SLC25A12: variants seen among roughly 807,000 people sequenced by gnomAD.
SLC25A12 encodes solute carrier family 25 member 12.
Under a neutral mutation model 83.3 loss-of-function variants are expected in SLC25A12, and 32 were observed. The ratio of observed to expected loss-of-function variants is 0.38; its 90% CI spans 0.29 to 0.52. The LOEUF is 0.52. Among genes scored for constraint, SLC25A12 ranks in the 20% least tolerant of loss-of-function variants. The pLI, the probability that SLC25A12 is intolerant of heterozygous loss-of-function variation, is 0.84. For missense variants in SLC25A12, 611 were observed against 835.6 expected (o/e 0.73, Z 3.31); for synonymous variants, 267 against 291.1 (o/e 0.92, Z 0.84).
intron 4 of SLC25A12, chr2:171,848,349 G>A (rs1284031133): frequency 2.2e-6 from 1 of 461,092 alleles, no homozygotes; most frequent in African/African-American, 2.0e-5. Flanking sequence ...CTTATTCCAA[G>A]GATTCCAGCC....
At chr2:171,841,744 G>A (rs987552134) in intron 5 of SLC25A12, among the ~76,000 whole-genome samples, 1 of 152,168 alleles carries the variant, frequency 6.6e-6, no homozygotes, top group Non-Finnish European at 1.5e-5. Context: ...AGCCATTGCA[G>A]GAAGTATTCT....
chr2:171,856,050 T>C, intron 3 of SLC25A12, 101 bp from the exon 4 acceptor site: 1 of 760,300 alleles, frequency 1.3e-6, no homozygotes, highest in Non-Finnish European at 2.4e-6. Flanking sequence ...GGTAACCAAA[T>C]AATTGATAAA....
intron 3 of SLC25A12, among the ~76,000 whole-genome samples, chr2:171,856,923 A>G (rs1474198335): frequency 6.6e-6 from 1 of 152,242 alleles, no homozygotes; most frequent in Non-Finnish European, 1.5e-5. Context: ...AATGAAATAC[A>G]TCATCTAGAG....
intron 2 of SLC25A12, among the ~76,000 whole-genome samples, chr2:171,876,449 T>G (rs1243791551): frequency 6.6e-6 from 1 of 150,462 alleles, no homozygotes; most frequent in Non-Finnish European, 1.5e-5. Context: ...CAGTCAAAAA[T>G]GCTAAAATAT....
chr2:171,879,665 T>C (rs1298061937), intron 2 of SLC25A12, among the ~76,000 whole-genome samples: 1 of 152,212 alleles, frequency 6.6e-6, no homozygotes, highest in Non-Finnish European at 1.5e-5. Context: ...TTTAGTCTCT[T>C]AGTCTAAGTA....
chr2:171,810,754 TACTAACTCCCATAA>T (rs1683931570), intron 11 of SLC25A12, among the ~76,000 whole-genome samples: 1 of 152,228 alleles, frequency 6.6e-6, no homozygotes, highest in African/African-American at 2.4e-5. Flanking sequence ...TATTATAGAA[TACTAACTCCCATAA>T]TCTTCTCTTC....
intron 2 of SLC25A12, among the ~76,000 whole-genome samples, chr2:171,872,250 T>A (rs933485544): frequency 7.2e-5 from 11 of 151,906 alleles, no homozygotes; most frequent in African/African-American, 2.7e-4. Context: ...ACAATAAATA[T>A]ATAAACACAG....
intron 5 of SLC25A12, among the ~76,000 whole-genome samples, chr2:171,842,237 T>C (rs1234698251): frequency 1.3e-5 from 2 of 151,694 alleles, no homozygotes; most frequent in Admixed American, 1.3e-4. Flanking sequence ...ATACATGCTA[T>C]GACATGGATA....
At chr2:171,831,314 T>G (rs2105883173) in intron 8 of SLC25A12, among the ~76,000 whole-genome samples, 1 of 152,330 alleles carries the variant, frequency 6.6e-6, no homozygotes. Flanking sequence ...CAGGTCCCTC[T>G]CAAAATCTAA....
At chr2:171,850,347 T>G (rs1378720280) in intron 4 of SLC25A12, among the ~76,000 whole-genome samples, 14 of 131,054 alleles carry the variant, frequency 1.1e-4, no homozygotes, top group East Asian at 2.3e-4. Flanking sequence ...GTTTTTTTTT[T>G]TTTTTTTTTT....
intron 3 of SLC25A12, among the ~76,000 whole-genome samples, chr2:171,865,879 G>GT (rs1189699431): frequency 6.6e-5 from 10 of 151,190 alleles, no homozygotes; most frequent in Admixed American, 6.6e-4. Context: ...ATTCTTGGGT[G>GT]TTTCTCGCAG....
chr2:171,824,701 T>C (rs1466614706), intron 9 of SLC25A12, among the ~76,000 whole-genome samples: 1 of 152,114 alleles, frequency 6.6e-6, no homozygotes, highest in African/African-American at 2.4e-5. Context: ...CATTCTTTCC[T>C]TTTATTAAAC....
intron 2 of SLC25A12, among the ~76,000 whole-genome samples, chr2:171,885,724 A>G (rs1389497872): frequency 6.6e-6 from 1 of 152,100 alleles, no homozygotes; most frequent in African/African-American, 2.4e-5. Context: ...TTCAATTTCC[A>G]TATTTCTGAG....
At chr2:171,877,981 T>C (rs1454480227) in intron 2 of SLC25A12, among the ~76,000 whole-genome samples, 1 of 152,138 alleles carries the variant, frequency 6.6e-6, no homozygotes, top group Non-Finnish European at 1.5e-5. Flanking sequence ...GTATCAAGAT[T>C]AAGGATTTTT....
At chr2:171,823,500 T>C (rs1370819446) in intron 9 of SLC25A12, among the ~76,000 whole-genome samples, 2 of 152,224 alleles carry the variant, frequency 1.3e-5, no homozygotes, top group East Asian at 3.8e-4. Context: ...CAAATCTGTT[T>C]CTATAAAATT....
chr2:171,839,558 C>T (rs1573973355), intron 5 of SLC25A12, among the ~76,000 whole-genome samples: 1 of 152,242 alleles, frequency 6.6e-6, no homozygotes, highest in Middle Eastern at 3.4e-3. Flanking sequence ...TGAACTTGTA[C>T]ATTTAACTCC....
chr2:171,840,030 A>T (rs1330949688), intron 5 of SLC25A12, among the ~76,000 whole-genome samples: 1 of 152,184 alleles, frequency 6.6e-6, no homozygotes, highest in Non-Finnish European at 1.5e-5. Flanking sequence ...TACTACAGTG[A>T]AAAAAGGTAG....
At chr2:171,889,450 T>C (rs1685886874) in intron 2 of SLC25A12, among the ~76,000 whole-genome samples, 2 of 152,254 alleles carry the variant, frequency 1.3e-5, no homozygotes, top group South Asian at 4.1e-4. Flanking sequence ...CTCAAAAGTA[T>C]TACTTCAGTA....
In SLC25A12 at chr2:171,831,898, C is replaced by CAAA. The variant is rs34431704; in HGVS notation, c.845+2062_845+2064dup. Among the ~76,000 whole-genome samples, 221 of 144,916 alleles carry CAAA rather than the reference C, an allele frequency of 1.5e-3. 1 individual carries two copies. The highest frequency in any genetic ancestry group is 5.8e-3 in the South Asian group (26 of 4,516). On this transcript the variant is annotated intron_variant, in intron 8 of 17. Transcript: ENST00000422440. ...TGGGCAACAGAGCAAGACTCTGTCT[C>CAAA]AAAAAAAAAAAAATTAAAGGGAAAG...
Sources: gnomAD v4.1 joint callset for allele counts (sites outside exome capture counted in the v4.1 genomes callset) on GRCh38, gnomAD v4.1.1 for gene constraint, MANE v1.5 for transcripts, NCBI Gene and HGNC (gene_info 2026-07-23, HGNC 2026-07-21) for gene names.